Variants in REV1 observed in about 807,000 individuals in gnomAD.
REV1 encodes REV1 DNA directed polymerase.
REV1 carries 42 observed loss-of-function variants against 137.4 expected under a neutral mutation model. That is an observed-to-expected ratio of 0.31 (90% confidence interval 0.24 to 0.40). The LOEUF (loss-of-function observed/expected upper bound fraction) is 0.40. Ranked by LOEUF, REV1 falls within the 10% of genes least tolerant of loss-of-function variation. The pLI, the probability that REV1 is intolerant of heterozygous loss-of-function variation, is 1.00. For missense variants in REV1, 1,282 were observed against 1,490.1 expected (o/e 0.86, Z 2.30); for synonymous variants, 524 against 519.2 (o/e 1.01, Z -0.12).
chr2:99,438,039 A>G (rs960207248), intron 6 of REV1, among the ~76,000 whole-genome samples: 7 of 152,216 alleles, frequency 4.6e-5, no homozygotes, highest in African/African-American at 1.7e-4. Context: ...ACTAATTTAT[A>G]ATGACTGGCC....
At chr2:99,401,902 C>A (rs1675504440) in intron 22 of REV1, among the ~76,000 whole-genome samples, 1 of 151,988 alleles carries the variant, frequency 6.6e-6, no homozygotes, top group Non-Finnish European at 1.5e-5. Flanking sequence ...ACCACCCCCC[C>A]AGATTATTTA....
At chr2:99,433,400 G>A (rs1048959338) in intron 8 of REV1, among the ~76,000 whole-genome samples, 3 of 152,102 alleles carry the variant, frequency 2.0e-5, no homozygotes, top group Non-Finnish European at 4.4e-5. Context: ...ATATGTATCT[G>A]CAATTATGTT....
At chr2:99,468,380 CACT>C (rs1685055723) in intron 1 of REV1, among the ~76,000 whole-genome samples, 1 of 152,082 alleles carries the variant, frequency 6.6e-6, no homozygotes, top group African/African-American at 2.4e-5. Context: ...ATCAGGATAC[CACT>C]ACTTGACAGA....
intron 6 of REV1, 111 bp from the exon 7 acceptor site, chr2:99,436,052 A>C (rs1680706464): frequency 2.9e-6 from 2 of 687,060 alleles, no homozygotes; most frequent in South Asian, 3.6e-5. Flanking sequence ...CCCAGAATGG[A>C]GTCTTTTTAA....
chr2:99,406,503 A>G lies in REV1; in HGVS notation c.2449-13T>C, dbSNP rs1220945999. 6.3e-7 allele frequency: 1 copy of G among 1,576,664 alleles called. No individual in the cohort carries two copies. The highest frequency in any genetic ancestry group is 8.6e-7 in the Non-Finnish European group (1 of 1,159,698). Reference sequence around the variant, plus strand: ...CGTGAATCCCAACCTAGAACCCAGAATAAAGAGTATGCTTCTAGGAAAACT... The same window carrying G: ...CGTGAATCCCAACCTAGAACCCAGAGTAAAGAGTATGCTTCTAGGAAAACT... On this transcript the variant is annotated splice_polypyrimidine_tract_variant and intron_variant, in intron 15 of 22. Transcript: ENST00000258428.
chr2:99,407,431 AC>A (rs1392339505), intron 15 of REV1, among the ~76,000 whole-genome samples: 6 of 150,826 alleles, frequency 4.0e-5, no homozygotes, highest in African/African-American at 1.2e-4. Flanking sequence ...GGGTGCCTGT[AC>A]CCCCAGCTAC....
chr2:99,439,264 T>C lies in REV1; in HGVS notation c.550A>G (p.Asn184Asp). The C allele has an allele frequency of 6.2e-7, 1 of 1,613,770 alleles. No individual in the cohort carries two copies. The highest frequency in any genetic ancestry group is 8.5e-7 in the Non-Finnish European group (1 of 1,179,758). The change falls in exon 6 of 23, where the codon AAT becomes GAT. Residue 184 changes from asparagine to aspartate, a missense_variant. Asn to Asp is a conservative substitution (Grantham distance 23). Coordinates refer to ENST00000258428, the MANE Select transcript of REV1 (RefSeq NM_016316.4). ...KIETENEVKV[N>D]GMNSWNEEDE... is the part of the protein sequence containing the mutation. ...TCTTCATTCCAACTGTTCATGCCAT[T>C]GACTTTGACTTCATTTTCCGTTTCA...
At chr2:99,401,815 C>T (rs1161027255) in intron 22 of REV1, among the ~76,000 whole-genome samples, 2 of 152,210 alleles carry the variant, frequency 1.3e-5, no homozygotes, top group Non-Finnish European at 2.9e-5. Context: ...GTCGATCAGG[C>T]TGGAGCCATG....
Position 99,451,457 on chromosome 2 carries a change from A to G in REV1, c.182-1953T>C. On this transcript the variant is annotated intron_variant, in intron 3 of 22. Transcript: ENST00000258428. ...GGGCTCTTTGAAGTTCACTTCTGAA[A>G]GCTCTTACATATTCTTCAGTGTGAA... 3 of 1,304,186 alleles carry G rather than the reference A, an allele frequency of 2.3e-6. 1 individual carries two copies. The South Asian group carries it at 3.7e-5, about 16-fold the overall frequency. 80.8% of individuals were successfully genotyped at this position (1,304,186 alleles called of 1,614,324 possible).
intron 12 of REV1, among the ~76,000 whole-genome samples, chr2:99,416,934 GAAAT>G (rs1215134858): frequency 3.0e-5 from 3 of 100,788 alleles, no homozygotes; most frequent in Non-Finnish European, 5.9e-5. Context: ...AAAAAAAAAA[GAAAT>G]AAAGTCTTTC....
At position 99,400,542 on chromosome 2, in the gene REV1, G is replaced by A. The variant is rs546480818; in HGVS notation, c.*699C>T. 3.9e-5 allele frequency: 6 copies of A among 151,964 alleles called. No homozygotes were observed. Among genetic ancestry groups the A allele is most frequent in the African/African-American group, 9.7e-5 (4 of 41,352 alleles). The allele number at this position is 151,964 out of a possible 1,614,324, so 9.4% of individuals were successfully genotyped here. A position where few individuals can be genotyped will look rare whatever the true frequency, so the allele number is the denominator to read the frequency against. On this transcript the variant is annotated 3_prime_UTR_variant, in exon 23 of 23. Transcript: ENST00000258428. ...TATAACATAAAAATATTTTATATAC[G>A]TTTGAAAAATCTATACCGTTCTTTT...
intron 3 of REV1, among the ~76,000 whole-genome samples, chr2:99,455,222 C>A (rs1683402427): frequency 1.3e-5 from 2 of 152,190 alleles, no homozygotes; most frequent in Admixed American, 6.5e-5. Context: ...ACCTCCTTTG[C>A]TCCTACCATG....
chr2:99,473,640 G>GT (rs757235278), intron 1 of REV1, among the ~76,000 whole-genome samples: 33 of 151,402 alleles, frequency 2.2e-4, no homozygotes, highest in African/African-American at 4.2e-4. Context: ...CACTTTATGT[G>GT]TTTTTTTTAC....
At chr2:99,483,528 C>T (rs1686834987) in intron 1 of REV1, among the ~76,000 whole-genome samples, 1 of 152,148 alleles carries the variant, frequency 6.6e-6, no homozygotes, top group Non-Finnish European at 1.5e-5. Context: ...AGCCATGGGA[C>T]CCGACTAGTC....
chr2:99,487,120 G>GT (rs1553575184), intron 1 of REV1, among the ~76,000 whole-genome samples: 1 of 152,302 alleles, frequency 6.6e-6, no homozygotes, highest in East Asian at 1.9e-4. Flanking sequence ...TAAAAGAATA[G>GT]TAAGTATAAC....
intron 1 of REV1, among the ~76,000 whole-genome samples, chr2:99,487,042 A>T (rs1450952272): frequency 6.6e-6 from 1 of 152,258 alleles, no homozygotes; most frequent in Admixed American, 6.5e-5. Flanking sequence ...TGAGGCGATG[A>T]CATTTGAGCA....
chr2:99,438,264 C>A (rs975450260), intron 6 of REV1, among the ~76,000 whole-genome samples: 2 of 152,166 alleles, frequency 1.3e-5, no homozygotes, highest in Non-Finnish European at 2.9e-5. Context: ...CAATTTCATT[C>A]TTACAGGAGT....
intron 4 of REV1, among the ~76,000 whole-genome samples, chr2:99,446,813 G>A (rs2104918657): frequency 6.6e-6 from 1 of 152,070 alleles, no homozygotes; most frequent in South Asian, 2.1e-4. Context: ...ATTTTTCTAA[G>A]TAAATCAATT....
intron 9 of REV1, among the ~76,000 whole-genome samples, chr2:99,429,076 A>C (rs1271660373): frequency 3.3e-5 from 5 of 152,076 alleles, no homozygotes. Flanking sequence ...ACTTGCCAGC[A>C]ATGTGTAAGG....
Sources: allele counts gnomAD v4.1 joint callset (sites outside exome capture counted in the v4.1 genomes callset), GRCh38; gene constraint gnomAD v4.1.1; transcripts MANE v1.5; gene names NCBI Gene and HGNC (gene_info 2026-07-23, HGNC 2026-07-21).